The following TET1 variants were observed in gnomAD, a reference collection of about 807,000 sequenced individuals.
TET1 encodes tet methylcytosine dioxygenase 1, also known as methylcytosine dioxygenase TET1.
TET1 carries 13 observed loss-of-function variants against 148.7 expected under a neutral mutation model. The observed-to-expected ratio is 0.09, with a 90% CI of 0.06 to 0.14. The LOEUF is 0.14. Ranked by LOEUF, TET1 falls within the 10% of genes least tolerant of loss-of-function variation. TET1 has a pLI of 1.00. For missense variants in TET1, 2,182 were observed against 2,553.8 expected (o/e 0.85, Z 3.14); for synonymous variants, 907 against 937.2 (o/e 0.97, Z 0.59).
intron 1 of TET1, among the ~76,000 whole-genome samples, chr10:68,561,664 A>C: frequency 6.6e-6 from 1 of 151,006 alleles, no homozygotes; most frequent in African/African-American, 2.4e-5. Context: ...CCCAGAGAAA[A>C]AATGCTCTCC....
intron 3 of TET1, among the ~76,000 whole-genome samples, chr10:68,601,744 G>A (rs2054058401): frequency 6.6e-6 from 1 of 152,250 alleles, no homozygotes; most frequent in Non-Finnish European, 1.5e-5. Flanking sequence ...TTAGTCTAAC[G>A]AATAGGTGCT....
intron 1 of TET1, among the ~76,000 whole-genome samples, chr10:68,567,593 C>G (rs940093941): frequency 2.6e-5 from 4 of 151,778 alleles, no homozygotes; most frequent in African/African-American, 9.7e-5. Flanking sequence ...TGTGCTTGGC[C>G]AGGTTTATTT....
chr10:68,565,241 C>T (rs914538673), intron 1 of TET1, among the ~76,000 whole-genome samples: 1 of 151,898 alleles, frequency 6.6e-6, no homozygotes, highest in African/African-American at 2.4e-5. Flanking sequence ...CTTTAAGAGG[C>T]TCAGGAGGGC....
At chr10:68,658,065 C>T (rs1420985868) in intron 6 of TET1, among the ~76,000 whole-genome samples, 4 of 151,978 alleles carry the variant, frequency 2.6e-5, no homozygotes, top group Non-Finnish European at 5.9e-5. Context: ...GATAGTGTAC[C>T]TTTTTTGTGT....
At chr10:68,606,606 C>CAAA (rs56765031) in intron 3 of TET1, among the ~76,000 whole-genome samples, 1,572 of 140,410 alleles carry the variant, frequency 0.011, 35 homozygotes, top group African/African-American at 0.038. Flanking sequence ...AAAACAAAAA[C>CAAA]AAAAAAAAAA....
intron 2 of TET1, among the ~76,000 whole-genome samples, chr10:68,579,525 A>G (rs909808685): frequency 6.6e-6 from 1 of 152,260 alleles, no homozygotes; most frequent in Non-Finnish European, 1.5e-5. Flanking sequence ...AATCATGAGC[A>G]TTCTAGCCAC....
chr10:68,576,259 A>G (rs535555890), intron 2 of TET1, among the ~76,000 whole-genome samples: 8 of 151,726 alleles, frequency 5.3e-5, no homozygotes. Flanking sequence ...GCTCAGGCAC[A>G]AGAATCACTT....
intron 3 of TET1, among the ~76,000 whole-genome samples, chr10:68,604,870 T>C (rs1027136502): frequency 1.3e-5 from 2 of 152,202 alleles, no homozygotes; most frequent in African/African-American, 4.8e-5. Flanking sequence ...TTGCAACTCA[T>C]CTGTAAATCT....
At chr10:68,661,834 A>ACACACAC (rs1564498577) in intron 6 of TET1, among the ~76,000 whole-genome samples, 11 of 150,270 alleles carry the variant, frequency 7.3e-5, no homozygotes, top group African/African-American at 2.7e-4. Context: ...CACACACACA[A>ACACACAC]AAAACCAAGT....
At chr10:68,593,610 GTAT>G (rs1398790164) in intron 2 of TET1, among the ~76,000 whole-genome samples, 5 of 151,496 alleles carry the variant, frequency 3.3e-5, no homozygotes, top group Non-Finnish European at 5.9e-5. Context: ...GCTAATTTTT[GTAT>G]TATTATTATT....
intron 2 of TET1, among the ~76,000 whole-genome samples, chr10:68,585,852 A>G (rs1182843870): frequency 6.6e-6 from 1 of 151,912 alleles, no homozygotes; most frequent in Non-Finnish European, 1.5e-5. Flanking sequence ...CACTAAAAGT[A>G]CAAAAATTAG....
chr10:68,563,357 G>A (rs10762231), intron 1 of TET1, among the ~76,000 whole-genome samples: 64,461 of 152,132 alleles, frequency 0.42, 14,149 homozygotes, highest in African/African-American at 0.52. Flanking sequence ...CTTAGTTGCT[G>A]GAGGAAACTG....
At chr10:68,650,209 A>G (rs1228187625) in intron 4 of TET1, among the ~76,000 whole-genome samples, 1 of 152,154 alleles carries the variant, frequency 6.6e-6, no homozygotes, top group South Asian at 2.1e-4. Flanking sequence ...GCACACACAT[A>G]ACTGCCAAAT....
chr10:68,674,901 A>G, intron 8 of TET1: 1 of 390,082 alleles, frequency 2.6e-6, no homozygotes, highest in South Asian at 2.2e-5. Flanking sequence ...ATTGGAAAAG[A>G]CATAGAAAAA....
intron 7 of TET1, among the ~76,000 whole-genome samples, chr10:68,668,634 C>A (rs555879504): frequency 1.3e-5 from 2 of 152,122 alleles, no homozygotes; most frequent in South Asian, 4.1e-4. Flanking sequence ...GGCTGGAGTG[C>A]GGTGGCGCAA....
intron 2 of TET1, among the ~76,000 whole-genome samples, chr10:68,585,720 A>T (rs931558545): frequency 2.5e-4 from 38 of 152,002 alleles, no homozygotes; most frequent in South Asian, 8.3e-4. Flanking sequence ...CTTAAAAAAA[A>T]TTTTTTTGGG....
intron 1 of TET1, among the ~76,000 whole-genome samples, chr10:68,568,826 A>G (rs2053634997): frequency 6.6e-6 from 1 of 152,130 alleles, no homozygotes; most frequent in African/African-American, 2.4e-5. Context: ...ACTCCAGTCC[A>G]GGTGACAGAG....
intron 3 of TET1, among the ~76,000 whole-genome samples, chr10:68,630,766 G>A (rs769673792): frequency 6.6e-6 from 1 of 152,240 alleles, no homozygotes; most frequent in Non-Finnish European, 1.5e-5. Context: ...AGATTGGACA[G>A]AGGGCATAGG....
chr10:68,683,404 A>G (rs7894749), intron 10 of TET1, among the ~76,000 whole-genome samples: 134,973 of 150,660 alleles, frequency 0.9, 60,900 homozygotes, highest in East Asian at 0.98. Flanking sequence ...TTAGCCTCCC[A>G]AGTAGCTGGG....
Sources: allele counts gnomAD v4.1 joint callset (sites outside exome capture counted in the v4.1 genomes callset), GRCh38; gene constraint gnomAD v4.1.1; transcripts MANE v1.5; gene names NCBI Gene and HGNC (gene_info 2026-07-23, HGNC 2026-07-21).